Variants in PARD3B observed in about 807,000 individuals in gnomAD.
PARD3B encodes the protein par-3 family cell polarity regulator beta.
In PARD3B, 103 loss-of-function variants were observed where a neutral mutation model predicts 130.2. The observed-to-expected ratio is 0.79, with a 90% CI of 0.67 to 0.93. PARD3B has a LOEUF of 0.93. Among genes scored for constraint, PARD3B ranks in the 40% least tolerant of loss-of-function variants. The pLI is 0.00. For missense variants in PARD3B, 1,609 were observed against 1,499.2 expected (o/e 1.07, Z -1.21); for synonymous variants, 583 against 553.2 (o/e 1.05, Z -0.76).
At chr2:205,437,360 G>A (rs2047554268) in intron 19 of PARD3B, among the ~76,000 whole-genome samples, 1 of 152,104 alleles carries the variant, frequency 6.6e-6, no homozygotes, top group South Asian at 2.1e-4. Flanking sequence ...ACTCTTTAAG[G>A]AAGATTATTC....
At chr2:204,877,265 G>A (rs1170412052) in intron 2 of PARD3B, among the ~76,000 whole-genome samples, 1 of 152,138 alleles carries the variant, frequency 6.6e-6, no homozygotes, top group Non-Finnish European at 1.5e-5. Flanking sequence ...GGGTAGAGGT[G>A]AGGGATAGCA....
chr2:204,802,167 A>G lies in PARD3B; in HGVS notation c.222+115885A>G, dbSNP rs1219289903. On this transcript the variant is annotated intron_variant, in intron 2 of 22. Coordinates refer to ENST00000406610, the MANE Select transcript of PARD3B (RefSeq NM_001302769.2). ...TTACAAGAAGAAAACAACCGCATCA[A>G]AAAGTGGGCAAAGGATATGAACAGG... 2.6e-5 allele frequency among the ~76,000 whole-genome samples: 4 copies of G among 152,344 alleles called. No individual in the cohort carries two copies. The South Asian group carries it at 8.3e-4, about 32-fold the overall frequency.
intron 1 of PARD3B, among the ~76,000 whole-genome samples, chr2:204,554,659 C>T (rs1450013298): frequency 2.6e-5 from 4 of 151,862 alleles, no homozygotes; most frequent in Admixed American, 2.6e-4. Context: ...CCCCGAGACT[C>T]CCACATTACT....
At chr2:205,043,595 A>G (rs1485296913) in intron 3 of PARD3B, among the ~76,000 whole-genome samples, 2 of 152,136 alleles carry the variant, frequency 1.3e-5, no homozygotes, top group Non-Finnish European at 2.9e-5. Flanking sequence ...TCTTCACTGT[A>G]GAGGTTATGT....
chr2:204,766,412 C>T (rs1212092854), intron 2 of PARD3B, among the ~76,000 whole-genome samples: 2 of 152,010 alleles, frequency 1.3e-5, no homozygotes, highest in Middle Eastern at 3.2e-3. Context: ...CTTTGGAATC[C>T]ACTTTCTCTA....
At chr2:205,010,786 G>C (rs1405026373) in intron 3 of PARD3B, among the ~76,000 whole-genome samples, 2 of 151,818 alleles carry the variant, frequency 1.3e-5, no homozygotes, top group Admixed American at 6.6e-5. Flanking sequence ...CTAAAGTTCT[G>C]AAAATTCAGA....
chr2:204,661,670 G>A (rs953920899), intron 1 of PARD3B, among the ~76,000 whole-genome samples: 4 of 151,702 alleles, frequency 2.6e-5, no homozygotes, highest in Non-Finnish European at 4.4e-5. Context: ...TATAACTAAG[G>A]GATTCTAAAT....
intron 21 of PARD3B, among the ~76,000 whole-genome samples, chr2:205,506,481 G>A (rs2050370522): frequency 6.6e-6 from 1 of 152,216 alleles, no homozygotes; most frequent in Admixed American, 6.5e-5. Flanking sequence ...AGATGGTCTA[G>A]AAGCCAACTT....
chr2:204,733,469 C>A (rs911276161), intron 2 of PARD3B, among the ~76,000 whole-genome samples: 4 of 130,496 alleles, frequency 3.1e-5, no homozygotes, highest in Non-Finnish European at 4.7e-5. Context: ...TCCCAACAAA[C>A]CTTGACAGGC....
At position 205,437,106 on chromosome 2, in the gene PARD3B, G is replaced by C. The variant is rs138166686; in HGVS notation, c.2742-3264G>C. Among the ~76,000 whole-genome samples, 250 of 152,196 alleles carry C rather than the reference G, an allele frequency of 1.6e-3. 2 individuals are homozygous for C. Among genetic ancestry groups the C allele is most frequent in the African/African-American group, 5.6e-3 (232 of 41,530 alleles). ...TTATTTTCAGTGAAATGTATACATG[G>C]CTGGAGATGCAGCCATATATCGACT... On this transcript the variant is annotated intron_variant, in intron 19 of 22. Transcript: ENST00000406610.
At chr2:205,609,294 T>A (rs1218240262) in intron 22 of PARD3B, among the ~76,000 whole-genome samples, 2 of 152,040 alleles carry the variant, frequency 1.3e-5, no homozygotes, top group African/African-American at 4.8e-5. Context: ...TTTGTGCTGA[T>A]TTTTTTTAAA....
intron 20 of PARD3B, among the ~76,000 whole-genome samples, chr2:205,465,287 G>A (rs1345706245): frequency 1.3e-5 from 2 of 152,030 alleles, no homozygotes; most frequent in African/African-American, 4.8e-5. Flanking sequence ...TAATCCTCCT[G>A]ACAATCTGAT....
chr2:204,720,645 A>C (rs1029862218), intron 2 of PARD3B, among the ~76,000 whole-genome samples: 9 of 152,166 alleles, frequency 5.9e-5, no homozygotes, highest in African/African-American at 2.2e-4. Flanking sequence ...ACTTGAAAAA[A>C]ACATTGTCTA....
intron 2 of PARD3B, among the ~76,000 whole-genome samples, chr2:204,724,583 C>T (rs10432519): frequency 0.021 from 3,195 of 152,184 alleles, 103 homozygotes; most frequent in East Asian, 0.13. Context: ...CAGGAATTCC[C>T]TCTGATTATC....
At chr2:204,708,198 C>T (rs1397072639) in intron 2 of PARD3B, among the ~76,000 whole-genome samples, 1 of 152,028 alleles carries the variant, frequency 6.6e-6, no homozygotes, top group Non-Finnish European at 1.5e-5. Context: ...TTTGTAGAGA[C>T]AGAGTCTCAC....
intron 16 of PARD3B, among the ~76,000 whole-genome samples, chr2:205,273,292 T>TGTTGG (rs1212490291): frequency 1.3e-5 from 2 of 152,218 alleles, no homozygotes; most frequent in Non-Finnish European, 2.9e-5. Flanking sequence ...TTCCCACTAT[T>TGTTGG]GTTGGAAAAC....
At chr2:205,494,023 G>A (rs113213551) in intron 20 of PARD3B, among the ~76,000 whole-genome samples, 1,582 of 152,084 alleles carry the variant, frequency 0.01, 15 homozygotes, top group Non-Finnish European at 0.016. Context: ...AGCCTCCCAA[G>A]TGCTGGGATT....
Position 205,268,766 on chromosome 2 carries a change from T to C in PARD3B, c.2185+22944T>C, listed in dbSNP as rs778261741. 6.6e-6 allele frequency among the ~76,000 whole-genome samples: 1 copy of C among 152,122 alleles called. No homozygotes were observed. Among genetic ancestry groups the C allele is most frequent in the African/African-American group, 2.4e-5 (1 of 41,422 alleles). ...TGACAGAAGAGACTTCTCAGCTCTTTGGGGAAAATATTGAAATGCATGGTT... is the reference window on the plus strand; with the variant it reads ...TGACAGAAGAGACTTCTCAGCTCTTCGGGGAAAATATTGAAATGCATGGTT... On this transcript the variant is annotated intron_variant, in intron 16 of 22. Coordinates refer to ENST00000406610, the MANE Select transcript of PARD3B (RefSeq NM_001302769.2). The surrounding 1 kb of genome is among the most constrained non-coding windows in gnomAD (Gnocchi z 4.1).
At chr2:205,216,007 A>ATG (rs1231741860) in intron 15 of PARD3B, among the ~76,000 whole-genome samples, 2 of 151,970 alleles carry the variant, frequency 1.3e-5, no homozygotes, top group East Asian at 1.9e-4. Context: ...AGTAGTGTGT[A>ATG]TGTGTGTGTG....
Sources: gnomAD v4.1 joint callset for allele counts (sites outside exome capture counted in the v4.1 genomes callset) on GRCh38, gnomAD v4.1.1 for gene constraint, Gnocchi (gnomAD v3.1) non-coding constraint, MANE v1.5 for transcripts, NCBI Gene and HGNC (gene_info 2026-07-23, HGNC 2026-07-21) for gene names.